SATL1: variants seen among roughly 807,000 people sequenced by gnomAD.
SATL1 encodes spermidine/spermine N1-acetyl transferase like 1.
In SATL1, 47 loss-of-function variants were observed where a neutral mutation model predicts 51.8. The ratio of observed to expected loss-of-function variants is 0.91; its 90% CI spans 0.72 to 1.16. The LOEUF is 1.16. Ranked by LOEUF, SATL1 falls within the 50% of genes most tolerant of loss-of-function variation. The probability of loss-of-function intolerance (pLI) is 0.00; values close to 1 mark genes in which losing one functional copy is unlikely to be tolerated. For synonymous variants in SATL1, 176 were observed against 182.4 expected (o/e 0.97, Z 0.28); for missense variants, 520 against 526.4 (o/e 0.99, Z 0.12).
chrX:85,121,916 A>C (rs1473694431), intron 2 of SATL1, among the ~76,000 whole-genome samples: 1 of 110,109 alleles, frequency 9.1e-6, no homozygotes, highest in Non-Finnish European at 1.9e-5. Flanking sequence ...GGATATGTTA[A>C]TTAGCATGAT....
chrX:85,137,992 T>G (rs997769060), intron 2 of SATL1, among the ~76,000 whole-genome samples: 1 of 112,059 alleles, frequency 8.9e-6, no homozygotes, highest in Non-Finnish European at 1.9e-5. Flanking sequence ...TTTCTAGCAT[T>G]TCATTTTGAT....
At chrX:85,149,320 C>A (rs1451577439) in intron 2 of SATL1, among the ~76,000 whole-genome samples, 2 of 111,131 alleles carry the variant, frequency 1.8e-5, no homozygotes, top group Admixed American at 1.9e-4. Flanking sequence ...TAAAGCAAGT[C>A]CTGAGTGACC....
intron 2 of SATL1, among the ~76,000 whole-genome samples, chrX:85,186,972 C>G (rs1392657345): frequency 8.9e-6 from 1 of 111,763 alleles, no homozygotes; most frequent in East Asian, 2.8e-4. Flanking sequence ...GTAATATGGT[C>G]ATTTTAACAA....
intron 1 of SATL1, among the ~76,000 whole-genome samples, chrX:85,225,250 A>T (rs1456283078): frequency 8.9e-6 from 1 of 111,976 alleles, no homozygotes; most frequent in Non-Finnish European, 1.9e-5. Flanking sequence ...TAGAACAAAT[A>T]CACACACACA....
chrX:85,133,782 G>T (rs1305234781), intron 2 of SATL1, among the ~76,000 whole-genome samples: 7 of 111,497 alleles, frequency 6.3e-5, no homozygotes, highest in African/African-American at 2.3e-4. Context: ...TGGCCATCTT[G>T]GACCAATCCT....
intron 2 of SATL1, among the ~76,000 whole-genome samples, chrX:85,168,552 A>G (rs889625761): frequency 2.7e-5 from 3 of 111,583 alleles, no homozygotes; most frequent in Admixed American, 9.6e-5. Flanking sequence ...ATACGTAGGA[A>G]TACAGCTAAG....
intron 1 of SATL1, among the ~76,000 whole-genome samples, chrX:85,229,766 C>T (rs1928343438): frequency 9.0e-6 from 1 of 111,513 alleles, no homozygotes; most frequent in South Asian, 3.8e-4. Flanking sequence ...ATTTAACATA[C>T]AAAAACTGTT....
At chrX:85,164,458 T>C (rs757849112) in intron 2 of SATL1, among the ~76,000 whole-genome samples, 1 of 111,735 alleles carries the variant, frequency 8.9e-6, no homozygotes, top group South Asian at 3.7e-4. Context: ...TTAGCATTTG[T>C]TTGTCTGAAA....
At chrX:85,215,149 T>G (rs1487552436) in intron 2 of SATL1, among the ~76,000 whole-genome samples, 1 of 111,679 alleles carries the variant, frequency 9.0e-6, no homozygotes, top group African/African-American at 3.3e-5. Context: ...TTGCGTCCTC[T>G]GGAGCAGTAG....
At chrX:85,202,886 C>T (rs984970480) in intron 2 of SATL1, among the ~76,000 whole-genome samples, 12 of 111,928 alleles carry the variant, frequency 1.1e-4, no homozygotes, top group Non-Finnish European at 3.8e-5. Context: ...GGCAGTTCCA[C>T]TGTAGAGGCA....
intron 1 of SATL1, among the ~76,000 whole-genome samples, chrX:85,233,240 TGAAGA>T (rs1569251822): frequency 8.9e-6 from 1 of 112,199 alleles, no homozygotes; most frequent in Non-Finnish European, 1.9e-5. Flanking sequence ...TGTCTCCTAA[TGAAGA>T]TATGGCTGCA....
At chrX:85,196,690 C>T (rs1053591075) in intron 2 of SATL1, among the ~76,000 whole-genome samples, 1 of 111,531 alleles carries the variant, frequency 9.0e-6, no homozygotes, top group Admixed American at 9.6e-5. Flanking sequence ...TAAACCCTCA[C>T]ATTTATTGTC....
At chrX:85,226,879 T>C (rs976682789) in intron 1 of SATL1, among the ~76,000 whole-genome samples, 1 of 111,299 alleles carries the variant, frequency 9.0e-6, no homozygotes, top group Non-Finnish European at 1.9e-5. Flanking sequence ...CTTTATAAGA[T>C]ATGCATTCTT....
chrX:85,151,762 A>G lies in SATL1; in HGVS notation c.-312-42482T>C, dbSNP rs1158415734. ...ATGGTGCTGGGAAAACTGGCTAGCC[A>G]TATGTAGAAAGCTGAAACTGGATCC... is the stretch of plus-strand genomic sequence containing the variant. On this transcript the variant is annotated intron_variant, in intron 2 of 7. Coordinates refer to ENST00000644105, the MANE Select transcript of SATL1 (RefSeq NM_001367857.2). Among the ~76,000 whole-genome samples, 4 of 111,662 alleles carry G rather than the reference A, an allele frequency of 3.6e-5. No individual in the cohort carries two copies. The South Asian group carries it at 1.1e-3, about 32-fold the overall frequency.
chrX:85,188,658 A>T (rs955428827), intron 2 of SATL1, among the ~76,000 whole-genome samples: 32 of 111,191 alleles, frequency 2.9e-4, no homozygotes, highest in African/African-American at 1.0e-3. Context: ...TAAAAAAAAA[A>T]TTGCATACCC....
intron 2 of SATL1, among the ~76,000 whole-genome samples, chrX:85,175,555 C>A (rs990528356): frequency 9.0e-6 from 1 of 111,035 alleles, no homozygotes; most frequent in Non-Finnish European, 1.9e-5. Context: ...TAACCAGAAT[C>A]CCAGGAAGAA....
rs188143511 is a variant in SATL1 at position 85,208,250 on chromosome X, G to T, written c.-313+15955C>A. Among the ~76,000 whole-genome samples the T allele has an allele frequency of 4.2e-3, 473 of 111,569 alleles. 2 individuals carry two copies. The highest frequency in any genetic ancestry group is 0.014 in the African/African-American group (439 of 30,682). On this transcript the variant is annotated intron_variant, in intron 2 of 7. Transcript: ENST00000644105. ...CATGAACTCATCCTTTTTTATGGCT[G>T]CATAGTATTCCATGGTGTATATGTG...
chrX:85,237,645 A>G (rs1928506658), intron 1 of SATL1, among the ~76,000 whole-genome samples: 1 of 111,758 alleles, frequency 8.9e-6, no homozygotes, highest in Admixed American at 9.5e-5. Flanking sequence ...TCTCCAGTAC[A>G]TTTATCTGGG....
At chrX:85,154,499 G>A (rs933616862) in intron 2 of SATL1, among the ~76,000 whole-genome samples, 1 of 112,073 alleles carries the variant, frequency 8.9e-6, no homozygotes, top group Admixed American at 9.5e-5. Context: ...TTTATTGAGA[G>A]TTTATTATGT....
Sources: allele counts gnomAD v4.1 joint callset (sites outside exome capture counted in the v4.1 genomes callset), GRCh38; gene constraint gnomAD v4.1.1; transcripts MANE v1.5; gene names NCBI Gene and HGNC (gene_info 2026-07-23, HGNC 2026-07-21).